C1orf21: variants seen among roughly 807,000 people sequenced by gnomAD.
C1orf21 encodes uncharacterized protein C1orf21.
A neutral mutation model predicts 18.7 loss-of-function variants in C1orf21; 3 were observed. The ratio of observed to expected loss-of-function variants is 0.16; its 90% CI spans 0.07 to 0.42. C1orf21 has a LOEUF of 0.42. C1orf21 is among the 10% of genes least tolerant of loss of function. C1orf21 has a pLI of 0.99. For synonymous variants in C1orf21, 41 were observed against 46.4 expected, an observed-to-expected ratio of 0.88 and a Z score of 0.47; for missense variants, 104 against 143.6, an observed-to-expected ratio of 0.72 and a Z score of 1.41.
rs113839358 is a variant in C1orf21, at chr1:184,460,613, C to T, written c.-124-16773C>T. ...TCTGGAGTTGGGCTGTTAGTATTGTCGTCGTCGTCTTCTTCTTCTTCTTCT... is the reference window on the plus strand; with the variant it reads ...TCTGGAGTTGGGCTGTTAGTATTGTTGTCGTCGTCTTCTTCTTCTTCTTCT... On this transcript the variant is annotated intron_variant, in intron 1 of 5. Coordinates refer to ENST00000235307, the MANE Select transcript of C1orf21 (RefSeq NM_030806.4). Among the ~76,000 whole-genome samples the T allele has an allele frequency of 1.1e-3, 141 of 124,460 alleles. 2 individuals are homozygous for T. The highest frequency in any genetic ancestry group is 5.0e-3 in the African/African-American group (140 of 27,780). The allele number at this position is 124,460 out of a possible 152,430, so 81.7% of individuals were successfully genotyped here.
chr1:184,445,359 T>TCTC (rs1240046009), intron 1 of C1orf21, among the ~76,000 whole-genome samples: 1 of 151,838 alleles, frequency 6.6e-6, no homozygotes, highest in Non-Finnish European at 1.5e-5. Flanking sequence ...TCTCTCTCTC[T>TCTC]CTCTCTCTCT....
intron 3 of C1orf21, among the ~76,000 whole-genome samples, chr1:184,575,574 A>G (rs1422335637): frequency 2.0e-5 from 3 of 151,574 alleles, no homozygotes; most frequent in Non-Finnish European, 4.4e-5. Flanking sequence ...CATTAGTGAA[A>G]AACTTAAAAC....
chr1:184,393,028 C>G (rs376213460), intron 1 of C1orf21, among the ~76,000 whole-genome samples: 2 of 151,922 alleles, frequency 1.3e-5, no homozygotes, highest in South Asian at 2.1e-4. Flanking sequence ...GAGGTCTTGC[C>G]ATGTCGCCCA....
intron 2 of C1orf21, among the ~76,000 whole-genome samples, chr1:184,484,040 CA>C (rs1325782377): frequency 2.4e-4 from 37 of 152,122 alleles, no homozygotes; most frequent in African/African-American, 8.2e-4. Context: ...TCTCTTGCCT[CA>C]GCCTCCCAAG....
intron 3 of C1orf21, among the ~76,000 whole-genome samples, chr1:184,539,114 G>A (rs1256023424): frequency 1.3e-5 from 2 of 152,126 alleles, no homozygotes; most frequent in Non-Finnish European, 2.9e-5. Flanking sequence ...TCACCATTGA[G>A]TATGATGTTC....
chr1:184,471,551 G>A (rs12071701), intron 1 of C1orf21, among the ~76,000 whole-genome samples: 26 of 152,104 alleles, frequency 1.7e-4, no homozygotes, highest in African/African-American at 6.3e-4. Flanking sequence ...ATGAAACCCA[G>A]CCGTGGTCCT....
At chr1:184,550,477 A>C (rs747485874) in intron 3 of C1orf21, among the ~76,000 whole-genome samples, 22 of 152,142 alleles carry the variant, frequency 1.4e-4, no homozygotes, top group Non-Finnish European at 7.3e-5. Context: ...GGCTGTCGTG[A>C]AGTGATTTCA....
chr1:184,548,218 C>CACAT (rs1658754590), intron 3 of C1orf21, among the ~76,000 whole-genome samples: 1 of 64,356 alleles, frequency 1.6e-5, no homozygotes, highest in South Asian at 4.1e-4. Context: ...ATCCCCAACA[C>CACAT]ACACACACAC....
chr1:184,523,773 T>C (rs938687475), intron 3 of C1orf21, among the ~76,000 whole-genome samples: 1 of 152,188 alleles, frequency 6.6e-6, no homozygotes, highest in Non-Finnish European at 1.5e-5. Flanking sequence ...AAAGGACCTA[T>C]ACCATACACA....
Position 184,620,883 on chromosome 1 carries a change from T to C in C1orf21, c.*1327T>C, listed in dbSNP as rs1461485031. ...AAAAGGAGAAAATAACTTTTGTATTTTTTTAATGTGTTTGATAGCTTTGAC... is the reference window on the plus strand; with the variant it reads ...AAAAGGAGAAAATAACTTTTGTATTCTTTTAATGTGTTTGATAGCTTTGAC... On this transcript the variant is annotated 3_prime_UTR_variant, in exon 6 of 6. Transcript: ENST00000235307. 1 of 152,668 alleles carries C rather than the reference T, an allele frequency of 6.6e-6. No individual in the cohort carries two copies. Among genetic ancestry groups the C allele is most frequent in the Non-Finnish European group, 1.5e-5 (1 of 68,050 alleles). 9.5% of individuals were successfully genotyped at this position (152,668 alleles called of 1,614,324 possible). A position where few individuals can be genotyped will look rare whatever the true frequency, so the allele number is the denominator to read the frequency against.
intron 1 of C1orf21, among the ~76,000 whole-genome samples, chr1:184,426,165 T>A (rs1373339383): frequency 1.3e-5 from 2 of 152,234 alleles, no homozygotes; most frequent in African/African-American, 2.4e-5. Context: ...TCATAAATTA[T>A]CTCTGGCGTT....
intron 2 of C1orf21, among the ~76,000 whole-genome samples, chr1:184,486,652 A>G (rs1000371328): frequency 1.3e-5 from 2 of 152,092 alleles, no homozygotes; most frequent in Non-Finnish European, 2.9e-5. Flanking sequence ...CTACTTGGAA[A>G]CGTTTTCTAT....
intron 3 of C1orf21, among the ~76,000 whole-genome samples, chr1:184,519,074 T>C (rs1658269448): frequency 1.3e-5 from 2 of 152,190 alleles, no homozygotes; most frequent in African/African-American, 4.8e-5. Context: ...AATAGTCACA[T>C]TGTTTGGCCA....
intron 3 of C1orf21, among the ~76,000 whole-genome samples, chr1:184,561,074 T>C (rs541571687): frequency 6.6e-6 from 1 of 152,326 alleles, no homozygotes; most frequent in Admixed American, 6.5e-5. Flanking sequence ...TTTCCAGCCT[T>C]TGTGGAATAA....
chr1:184,448,037 C>T (rs1460435603), intron 1 of C1orf21, among the ~76,000 whole-genome samples: 2 of 152,160 alleles, frequency 1.3e-5, no homozygotes, highest in Non-Finnish European at 2.9e-5. Flanking sequence ...CACCACCCTA[C>T]CCGCTTCTGT....
At chr1:184,415,851 C>T (rs1656441388) in intron 1 of C1orf21, among the ~76,000 whole-genome samples, 1 of 152,148 alleles carries the variant, frequency 6.6e-6, no homozygotes, top group South Asian at 2.1e-4. Flanking sequence ...TTAATATTGA[C>T]AATGTCCCCT....
chr1:184,400,491 C>G (rs1365388020), intron 1 of C1orf21, among the ~76,000 whole-genome samples: 1 of 152,122 alleles, frequency 6.6e-6, no homozygotes, highest in Non-Finnish European at 1.5e-5. Flanking sequence ...AAAAAGGTTG[C>G]CTACTGTAGT....
At chr1:184,516,056 A>G (rs1571394904) in intron 3 of C1orf21, among the ~76,000 whole-genome samples, 1 of 152,098 alleles carries the variant, frequency 6.6e-6, no homozygotes, top group Admixed American at 6.6e-5. Context: ...CAAGTGATCC[A>G]CCTGCCTTGG....
intron 3 of C1orf21, among the ~76,000 whole-genome samples, chr1:184,557,221 A>C (rs1471871303): frequency 6.6e-6 from 1 of 152,088 alleles, no homozygotes; most frequent in African/African-American, 2.4e-5. Flanking sequence ...TTAGCCTGAG[A>C]AGCTCAATTT....
Sources: allele counts gnomAD v4.1 joint callset (sites outside exome capture counted in the v4.1 genomes callset), GRCh38; gene constraint gnomAD v4.1.1; transcripts MANE v1.5; gene names NCBI Gene and HGNC (gene_info 2026-07-23, HGNC 2026-07-21).